Variants in LIN9 observed in about 807,000 individuals in gnomAD.
The protein encoded by LIN9 is lin-9 DREAM MuvB core complex component.
In LIN9, 18 loss-of-function variants were observed where a neutral mutation model predicts 78.0. The ratio of observed to expected loss-of-function variants is 0.23; its 90% confidence interval spans 0.16 to 0.34. The LOEUF (loss-of-function observed/expected upper bound fraction) is 0.34, where lower values mean the gene tolerates loss of function less well. LIN9 is among the 10% of genes least tolerant of loss of function. The pLI is 1.00. For synonymous variants in LIN9, 192 were observed against 215.2 expected (o/e 0.89, Z 0.94); for missense variants, 451 against 644.1 (o/e 0.70, Z 3.25).
chr1:226,252,091 G>C (rs1243062712), intron 10 of LIN9, among the ~76,000 whole-genome samples: 1 of 151,996 alleles, frequency 6.6e-6, no homozygotes, highest in African/African-American at 2.4e-5. Context: ...GGGATCGTGA[G>C]TCTAGGAGTT....
intron 10 of LIN9, among the ~76,000 whole-genome samples, chr1:226,252,244 G>A (rs760277852): frequency 1.7e-4 from 26 of 151,464 alleles, no homozygotes; most frequent in Non-Finnish European, 3.4e-4. Flanking sequence ...TCATGCCACC[G>A]CACTCCAGCC....
chr1:226,268,100 G>A lies in LIN9; in HGVS notation c.683-10C>T, dbSNP rs1049869736. ...ACACCACGTAATCGTGCTGAGAAAA[G>A]AACAAAGGCATTATGATGTGTGGGA... On this transcript the variant is annotated splice_polypyrimidine_tract_variant and intron_variant, in intron 7 of 14. Coordinates refer to ENST00000681046, the MANE Select transcript of LIN9 (RefSeq NM_001366245.2). 6.2e-7 allele frequency: 1 copy of A among 1,611,662 alleles called. No homozygotes were observed. The highest frequency in any genetic ancestry group is 1.3e-5 in the African/African-American group (1 of 74,854).
intron 4 of LIN9, among the ~76,000 whole-genome samples, chr1:226,294,732 A>G (rs1459050825): frequency 6.6e-6 from 1 of 152,196 alleles, no homozygotes; most frequent in Non-Finnish European, 1.5e-5. Flanking sequence ...ATTGAATAAG[A>G]CAAAAATTAC....
intron 7 of LIN9, among the ~76,000 whole-genome samples, chr1:226,269,089 GAAC>G (rs1343887986): frequency 6.6e-6 from 1 of 152,122 alleles, no homozygotes; most frequent in Non-Finnish European, 1.5e-5. Flanking sequence ...AAAAATTTAA[GAAC>G]AACAGCATTG....
intron 11 of LIN9, 22 bp downstream of exon 11, chr1:226,250,816 GA>G (rs750200706): frequency 1.1e-4 from 132 of 1,209,828 alleles, no homozygotes; most frequent in African/African-American, 6.4e-4. Flanking sequence ...AGCAAATGAA[GA>G]AAAAAAAAGA....
At chr1:226,302,356 A>C (rs1225816913) in intron 1 of LIN9, among the ~76,000 whole-genome samples, 1 of 152,184 alleles carries the variant, frequency 6.6e-6, no homozygotes, top group African/African-American at 2.4e-5. Context: ...ATCTTGGCTA[A>C]CACGGTGAAA....
At chr1:226,245,928 A>G (rs1011920247) in intron 11 of LIN9, among the ~76,000 whole-genome samples, 1 of 152,216 alleles carries the variant, frequency 6.6e-6, no homozygotes, top group African/African-American at 2.4e-5. Context: ...CTTGATAAAT[A>G]TTCATCTTTT....
At chr1:226,240,949 C>T (rs1009858849) in intron 11 of LIN9, among the ~76,000 whole-genome samples, 1 of 152,240 alleles carries the variant, frequency 6.6e-6, no homozygotes, top group Non-Finnish European at 1.5e-5. Flanking sequence ...CATATGAGGC[C>T]CATGTACCGC....
chr1:226,295,899 A>G lies in LIN9; in HGVS notation c.207T>C (p.Asp69=), dbSNP rs777799633. 1 of 1,613,510 alleles carries G rather than the reference A, an allele frequency of 6.2e-7. No individual in the cohort carries two copies. Among genetic ancestry groups the G allele is most frequent in the Non-Finnish European group, 8.5e-7 (1 of 1,179,812 alleles). ...KRSRLFSDED[D]RQINTRSPKR... ...TAGGTGACCTTGTATTTATTTGCCT[A>G]TCATCTTCATCAGAAAAAAGTCGAC... Residue 69 remains aspartate, a synonymous_variant, in exon 4 of 15, where the codon GAT becomes GAC. Coordinates refer to ENST00000681046, the MANE Select transcript of LIN9 (RefSeq NM_001366245.2).
intron 5 of LIN9, 48 bp from the exon 6 acceptor site, chr1:226,286,506 T>G (rs1661387752): frequency 7.2e-7 from 1 of 1,387,032 alleles, no homozygotes; most frequent in South Asian, 1.4e-5. Flanking sequence ...ATGTGTTACT[T>G]TCTTAAAACA....
intron 10 of LIN9, among the ~76,000 whole-genome samples, chr1:226,260,776 C>A (rs548246703): frequency 6.6e-6 from 1 of 151,456 alleles, no homozygotes; most frequent in Non-Finnish European, 1.5e-5. Flanking sequence ...TCCCGAGTAA[C>A]TGGGACTACA....
Position 226,237,632 on chromosome 1 carries a change from C to CAA in LIN9, c.1245+1337_1245+1338dup, listed in dbSNP as rs1167453006. On this transcript the variant is annotated intron_variant, in intron 12 of 14. Coordinates refer to ENST00000681046, the MANE Select transcript of LIN9 (RefSeq NM_001366245.2). ...GGGCAACAAGGGCGAAACTCTGTCT[C>CAA]AAAAAAAAAAAAAAAAAAAAAATCT... Among the ~76,000 whole-genome samples the CAA allele has an allele frequency of 2.2e-3, 126 of 57,384 alleles. 1 individual carries two copies. The highest frequency in any genetic ancestry group is 3.1e-3 in the South Asian group (5 of 1,600). 37.6% of individuals were successfully genotyped at this position (57,384 alleles called of 152,430 possible).
chr1:226,287,562 T>C, intron 5 of LIN9, 102 bp downstream of exon 5: 1 of 706,062 alleles, frequency 1.4e-6, no homozygotes, highest in Non-Finnish European at 2.2e-6. Flanking sequence ...TAGAGAAAAA[T>C]AAGATCAAAG....
chr1:226,232,131 C>T lies in LIN9; in HGVS notation c.*370G>A. Reference sequence around the variant, plus strand: ...CGACATGAATAAAAAGACCAGGTTTCTTCATACTCTCCATTGCAGCAGTTG... The same window carrying T: ...CGACATGAATAAAAAGACCAGGTTTTTTCATACTCTCCATTGCAGCAGTTG... On this transcript the variant is annotated 3_prime_UTR_variant, in exon 15 of 15. Coordinates refer to ENST00000681046, the MANE Select transcript of LIN9 (RefSeq NM_001366245.2). 2.5e-6 allele frequency: 1 copy of T among 398,994 alleles called. No individual in the cohort carries two copies. Among genetic ancestry groups the T allele is most frequent in the Non-Finnish European group, 4.4e-6 (1 of 226,162 alleles). 24.7% of individuals were successfully genotyped at this position (398,994 alleles called of 1,614,324 possible).
intron 1 of LIN9, chr1:226,308,839 C>T: frequency 4.0e-6 from 1 of 253,038 alleles, no homozygotes; most frequent in Non-Finnish European, 7.5e-6. Flanking sequence ...GCCAGGGGAG[C>T]AGCCACCGCC....
chr1:226,282,600 C>A (rs1270241834), intron 6 of LIN9, among the ~76,000 whole-genome samples: 1 of 152,186 alleles, frequency 6.6e-6, no homozygotes, highest in African/African-American at 2.4e-5. Flanking sequence ...GCGGGCAGAT[C>A]ACCTGAGGTC....
chr1:226,256,990 G>A (rs976671483), intron 10 of LIN9, among the ~76,000 whole-genome samples: 4 of 152,024 alleles, frequency 2.6e-5, no homozygotes, highest in South Asian at 4.1e-4. Flanking sequence ...ATCTTGCTCT[G>A]TTGCCCAGGC....
At chr1:226,233,976 T>C (rs1657522367) in intron 12 of LIN9, among the ~76,000 whole-genome samples, 2 of 152,218 alleles carry the variant, frequency 1.3e-5, no homozygotes, top group South Asian at 4.1e-4. Flanking sequence ...AATGTGGGTT[T>C]GTTTGTTTCC....
chr1:226,243,465 C>T lies in LIN9; in HGVS notation c.1120-4369G>A, dbSNP rs578081435. On this transcript the variant is annotated intron_variant, in intron 11 of 14. Coordinates refer to ENST00000681046, the MANE Select transcript of LIN9 (RefSeq NM_001366245.2). ...ATCCCTGCACTTTGGGAGGCCAAGG[C>T]GGGCAGATCACTTGAGGTCAGGAGT... is the stretch of plus-strand genomic sequence containing the variant. 5.3e-5 allele frequency among the ~76,000 whole-genome samples: 8 copies of T among 152,154 alleles called. No individual in the cohort carries two copies. In the South Asian group the frequency reaches 1.2e-3, roughly 24 times the overall value.
Sources: gnomAD v4.1 joint callset for allele counts (sites outside exome capture counted in the v4.1 genomes callset) on GRCh38, gnomAD v4.1.1 for gene constraint, MANE v1.5 for transcripts, NCBI Gene and HGNC (gene_info 2026-07-23, HGNC 2026-07-21) for gene names.